NYAP2: variants seen among roughly 807,000 people sequenced by gnomAD.
The protein encoded by NYAP2 is neuronal tyrosine-phosphorylated phosphoinositide-3-kinase adapter 2.
NYAP2 carries 23 observed loss-of-function variants against 50.4 expected under a neutral mutation model. The ratio of observed to expected loss-of-function variants is 0.46; its 90% confidence interval spans 0.33 to 0.65. The LOEUF is 0.65. NYAP2 is among the 30% of genes least tolerant of loss of function. The pLI is 0.02. For synonymous variants in NYAP2, 394 were observed against 365.2 expected, an observed-to-expected ratio of 1.08 and a Z score of -0.90; for missense variants, 885 against 861.0, an observed-to-expected ratio of 1.03 and a Z score of -0.35.
intron 4 of NYAP2, among the ~76,000 whole-genome samples, chr2:225,566,685 T>G (rs1418161400): frequency 2.8e-4 from 42 of 152,246 alleles, no homozygotes; most frequent in Admixed American, 2.7e-3. Context: ...AAGTGATAGC[T>G]ACAGTGAACT....
chr2:225,690,878 T>C, the NYAP2 span, among the ~76,000 whole-genome samples: 1 of 152,252 alleles, frequency 6.6e-6, no homozygotes, highest in Non-Finnish European at 1.5e-5. Flanking sequence ...AATACTAACA[T>C]TATCTTTTTC....
intron 3 of NYAP2, among the ~76,000 whole-genome samples, chr2:225,473,565 A>G (rs1221174403): frequency 6.6e-5 from 10 of 152,228 alleles, no homozygotes; most frequent in Non-Finnish European, 1.5e-4. Flanking sequence ...GCCAGTGATG[A>G]TGAACCTTTT....
At chr2:225,628,313 T>G (rs1352170038) in intron 6 of NYAP2, among the ~76,000 whole-genome samples, 2 of 147,738 alleles carry the variant, frequency 1.4e-5, no homozygotes, top group Non-Finnish European at 3.0e-5. Context: ...AGAGAACACA[T>G]AGTTTTTTTT....
At chr2:225,583,460 A>C (rs1004036204) in intron 5 of NYAP2, among the ~76,000 whole-genome samples, 1 of 152,192 alleles carries the variant, frequency 6.6e-6, no homozygotes, top group Non-Finnish European at 1.5e-5. Flanking sequence ...ACACTAAGCC[A>C]AATAGTGTAT....
At chr2:225,440,252 C>CAG (rs1408029645) in intron 3 of NYAP2, among the ~76,000 whole-genome samples, 3 of 152,222 alleles carry the variant, frequency 2.0e-5, no homozygotes, top group Non-Finnish European at 2.9e-5. Context: ...ATTCCACCTT[C>CAG]AGATCATAGG....
chr2:225,432,674 GA>G (rs897038640), intron 3 of NYAP2, among the ~76,000 whole-genome samples: 33 of 152,006 alleles, frequency 2.2e-4, no homozygotes, highest in African/African-American at 8.0e-4. Flanking sequence ...TGTAACAAAG[GA>G]AAAAATAACC....
At chr2:225,625,284 A>G (rs1174381172) in intron 5 of NYAP2, among the ~76,000 whole-genome samples, 1 of 152,162 alleles carries the variant, frequency 6.6e-6, no homozygotes, top group East Asian at 1.9e-4. Context: ...TGTGTGAAGA[A>G]CTGAGAAATC....
At chr2:225,698,690 A>G in the NYAP2 span, 5 of 152,024 alleles carry the variant, frequency 3.3e-5, no homozygotes, top group South Asian at 1.0e-3. Context: ...GTTCAAGATA[A>G]AATGCATATG....
chr2:225,441,623 A>T (rs1157096691), intron 3 of NYAP2, among the ~76,000 whole-genome samples: 1 of 152,166 alleles, frequency 6.6e-6, no homozygotes, highest in Non-Finnish European at 1.5e-5. Flanking sequence ...GCGGCAGGAG[A>T]GAGAGAGTGT....
chr2:225,472,614 A>G (rs569314089), intron 3 of NYAP2, among the ~76,000 whole-genome samples: 1 of 152,310 alleles, frequency 6.6e-6, no homozygotes, highest in South Asian at 2.1e-4. Flanking sequence ...AGATATGCTC[A>G]GGGAGGGCTG....
At chr2:225,498,175 A>C (rs1228872519) in intron 3 of NYAP2, among the ~76,000 whole-genome samples, 1 of 152,062 alleles carries the variant, frequency 6.6e-6, no homozygotes, top group Non-Finnish European at 1.5e-5. Context: ...GAGATAAAGG[A>C]AACATGCACA....
At chr2:225,466,341 T>C (rs1209054515) in intron 3 of NYAP2, among the ~76,000 whole-genome samples, 1 of 152,240 alleles carries the variant, frequency 6.6e-6, no homozygotes, top group Non-Finnish European at 1.5e-5. Context: ...TTATATTTTC[T>C]AGATTTTTTT....
intron 3 of NYAP2, among the ~76,000 whole-genome samples, chr2:225,480,205 A>G (rs1690182170): frequency 6.6e-6 from 1 of 152,138 alleles, no homozygotes; most frequent in East Asian, 1.9e-4. Context: ...ATATTATTGA[A>G]TGTCTACTAC....
chr2:225,567,337 G>T (rs1168817606), intron 4 of NYAP2, among the ~76,000 whole-genome samples: 2 of 151,992 alleles, frequency 1.3e-5, no homozygotes, highest in Non-Finnish European at 2.9e-5. Context: ...AAGAAAAAAA[G>T]AAAATTTGAA....
the NYAP2 span, among the ~76,000 whole-genome samples, chr2:225,689,037 C>T: frequency 6.6e-6 from 1 of 152,118 alleles, no homozygotes; most frequent in Non-Finnish European, 1.5e-5. Context: ...CCACTGCGCC[C>T]AGCTTGAAAA....
At chr2:225,408,867 G>C (rs1265590648) in exon 3 of NYAP2, 27 of 1,557,902 alleles carry the variant, frequency 1.7e-5, no homozygotes, top group Non-Finnish European at 2.3e-5. Context: ...CCTGCAGGCA[G>C]TGTTCCTCTT....
At chr2:225,487,773 T>C (rs1690330020) in intron 3 of NYAP2, among the ~76,000 whole-genome samples, 8 of 152,232 alleles carry the variant, frequency 5.3e-5, no homozygotes, top group Admixed American at 5.2e-4. Context: ...TTCATAGATA[T>C]ATAGATATAT....
At chr2:225,546,108 G>A (rs1011733361) in intron 4 of NYAP2, among the ~76,000 whole-genome samples, 6 of 152,196 alleles carry the variant, frequency 3.9e-5, no homozygotes, top group East Asian at 1.9e-4. Context: ...GGCCACCACC[G>A]CTGGGACTGC....
At chr2:225,502,930 TAGTG>T (rs1422409063) in intron 3 of NYAP2, among the ~76,000 whole-genome samples, 3 of 152,220 alleles carry the variant, frequency 2.0e-5, no homozygotes, top group East Asian at 3.8e-4. Flanking sequence ...TGTAAATAAA[TAGTG>T]AGTAAATAAA....
Sources: gnomAD v4.1 joint callset for allele counts (sites outside exome capture counted in the v4.1 genomes callset) on GRCh38, gnomAD v4.1.1 for gene constraint, MANE v1.5 for transcripts, NCBI Gene and HGNC (gene_info 2026-07-23, HGNC 2026-07-21) for gene names.